The following SDCCAG8 variants were observed in gnomAD, a reference collection of about 807,000 sequenced individuals.
SDCCAG8 encodes the protein SHH signaling and ciliogenesis regulator SDCCAG8.
SDCCAG8 carries 74 observed loss-of-function variants against 101.8 expected under a neutral mutation model. That is an observed-to-expected ratio of 0.73 (90% confidence interval 0.60 to 0.88). The LOEUF (loss-of-function observed/expected upper bound fraction) is 0.88. Ranked by LOEUF, SDCCAG8 falls within the 40% of genes least tolerant of loss-of-function variation. SDCCAG8 has a pLI of 0.00. For missense variants in SDCCAG8, 787 were observed against 822.6 expected (o/e 0.96, Z 0.53); for synonymous variants, 281 against 292.9 (o/e 0.96, Z 0.41).
chr1:243,332,597 T>C (rs1474380674), intron 10 of SDCCAG8, among the ~76,000 whole-genome samples: 3 of 151,684 alleles, frequency 2.0e-5, no homozygotes, highest in Non-Finnish European at 2.9e-5. Flanking sequence ...TGCAGGTGAT[T>C]ATTGCGGTCT....
At chr1:243,365,528 A>G (rs1377922392) in intron 12 of SDCCAG8, among the ~76,000 whole-genome samples, 2 of 152,196 alleles carry the variant, frequency 1.3e-5, no homozygotes, top group African/African-American at 4.8e-5. Flanking sequence ...AGTTTCTGTA[A>G]GAGTACCATT....
Position 243,256,169 on chromosome 1 carries a change from C to T in SDCCAG8, c.-5C>T, listed in dbSNP as rs978491010. 6.2e-7 allele frequency: 1 copy of T among 1,613,462 alleles called. No homozygotes were observed. The highest frequency in any genetic ancestry group is 8.5e-7 in the Non-Finnish European group (1 of 1,179,354). On this transcript the variant is annotated 5_prime_UTR_variant, in exon 1 of 18. Coordinates refer to ENST00000366541, the MANE Select transcript of SDCCAG8 (RefSeq NM_006642.5). ...AACTCCCAGCTCTGGGCCTAGAGTG[C>T]GTGCATGGCGAAGTCCCCGGAGAAC...
At position 243,330,890 on chromosome 1, in the gene SDCCAG8, C is replaced by G. The variant is rs116231686; in HGVS notation, c.1221+198C>G. 2.5e-3 allele frequency among the ~76,000 whole-genome samples: 382 copies of G among 152,236 alleles called. 1 individual carries two copies. Among genetic ancestry groups the G allele is most frequent in the South Asian group, 8.5e-3 (41 of 4,826 alleles). ...ATATTTCTCAATAGTTTATGCTGAT[C>G]TTTTCAAATAAAATAATCAGTTAGA... is the stretch of plus-strand genomic sequence containing the variant. On this transcript the variant is annotated intron_variant, in intron 10 of 17. Coordinates refer to ENST00000366541, the MANE Select transcript of SDCCAG8 (RefSeq NM_006642.5).
chr1:243,496,198 T>G (rs1667809622), intron 17 of SDCCAG8, among the ~76,000 whole-genome samples: 1 of 152,140 alleles, frequency 6.6e-6, no homozygotes, highest in Non-Finnish European at 1.5e-5. Flanking sequence ...AATTGGGAAG[T>G]GGCTGGGCAG....
intron 6 of SDCCAG8, among the ~76,000 whole-genome samples, chr1:243,294,708 C>A (rs968748310): frequency 1.4e-5 from 2 of 138,458 alleles, no homozygotes; most frequent in African/African-American, 2.9e-5. Context: ...CCCCCCCCCC[C>A]CACAGCTGCC....
At chr1:243,444,626 G>A (rs1260975583) in intron 16 of SDCCAG8, among the ~76,000 whole-genome samples, 4 of 151,784 alleles carry the variant, frequency 2.6e-5, no homozygotes, top group African/African-American at 7.2e-5. Flanking sequence ...CAGGCAGTCC[G>A]CCTGCCTCAG....
intron 4 of SDCCAG8, among the ~76,000 whole-genome samples, chr1:243,281,565 G>A (rs1012533759): frequency 6.7e-5 from 10 of 149,674 alleles, no homozygotes; most frequent in African/African-American, 2.2e-4. Flanking sequence ...TTGGATCAAT[G>A]TATAACACAT....
intron 8 of SDCCAG8, among the ~76,000 whole-genome samples, chr1:243,312,379 C>A (rs1227878935): frequency 6.6e-6 from 1 of 152,154 alleles, no homozygotes; most frequent in Non-Finnish European, 1.5e-5. Flanking sequence ...CATCCTTTAG[C>A]ATTTACTATT....
In SDCCAG8 at chr1:243,271,014, A is replaced by G; in HGVS notation, c.257A>G (p.Asp86Gly). The change falls in exon 3 of 18, where the codon GAT becomes GGT. Residue 86 changes from aspartate (D) to glycine (G), a missense_variant. By Grantham distance (94) the Asp-to-Gly change is moderately conservative (BLOSUM62 -1). Transcript: ENST00000366541. Reference sequence around the variant, plus strand: ...AAAGATTTGTTGCGCCAACAAGCAGATAAGGAAAGTGAAGTATCTCCGTCA... The same window carrying G: ...AAAGATTTGTTGCGCCAACAAGCAGGTAAGGAAAGTGAAGTATCTCCGTCA... ...QLKDLLRQQADKESEVSPSRR... is the reference protein window; with the variant it reads ...QLKDLLRQQAGKESEVSPSRR... The G allele has an allele frequency of 2.5e-6, 4 of 1,613,720 alleles. No homozygotes were observed. Among genetic ancestry groups the G allele is most frequent in the South Asian group, 2.2e-5 (2 of 91,078 alleles).
In SDCCAG8 at chr1:243,458,918, A is replaced by T. The variant is rs1237768086; in HGVS notation, c.1986-30096A>T. Among the ~76,000 whole-genome samples, 1 of 152,240 alleles carries T rather than the reference A, an allele frequency of 6.6e-6. No homozygotes were observed. Among genetic ancestry groups the T allele is most frequent in the African/African-American group, 2.4e-5 (1 of 41,446 alleles). On this transcript the variant is annotated intron_variant, in intron 16 of 17. Transcript: ENST00000366541. The surrounding 1 kb of genome is among the most constrained non-coding windows in gnomAD (Gnocchi z 4.5). ...GATACGTGCCTTAAGCTATTGCATGAATATCTCTATGTGGGAAATTCTTGT... is the reference window on the plus strand; with the variant it reads ...GATACGTGCCTTAAGCTATTGCATGTATATCTCTATGTGGGAAATTCTTGT...
intron 4 of SDCCAG8, among the ~76,000 whole-genome samples, chr1:243,277,714 T>A (rs1339669143): frequency 6.6e-6 from 1 of 152,228 alleles, no homozygotes; most frequent in Non-Finnish European, 1.5e-5. Context: ...GTTTAAAAAT[T>A]TATTACCAAA....
At chr1:243,331,214 G>A (rs1162374003) in intron 10 of SDCCAG8, among the ~76,000 whole-genome samples, 2 of 152,194 alleles carry the variant, frequency 1.3e-5, no homozygotes, top group African/African-American at 2.4e-5. Flanking sequence ...AGAGATTTAA[G>A]GCAAAAGGAA....
chr1:243,366,744 CAATT>C (rs1448026468), intron 12 of SDCCAG8, among the ~76,000 whole-genome samples: 4 of 151,914 alleles, frequency 2.6e-5, no homozygotes, highest in Admixed American at 2.0e-4. Context: ...GATAGGGAAT[CAATT>C]AATATTTTAA....
chr1:243,265,471 T>G (rs1484763746), intron 1 of SDCCAG8, among the ~76,000 whole-genome samples: 1 of 152,232 alleles, frequency 6.6e-6, no homozygotes, highest in Non-Finnish European at 1.5e-5. Flanking sequence ...TTATAAATTC[T>G]AAAAGATTAA....
At chr1:243,280,329 T>C (rs1433332180) in intron 4 of SDCCAG8, among the ~76,000 whole-genome samples, 2 of 152,144 alleles carry the variant, frequency 1.3e-5, no homozygotes, top group African/African-American at 4.8e-5. Context: ...TATTTTCTCT[T>C]TTTTTCTTAA....
intron 6 of SDCCAG8, among the ~76,000 whole-genome samples, chr1:243,294,474 G>T (rs12354170): frequency 0.34 from 16,216 of 48,106 alleles, 1,226 homozygotes; most frequent in East Asian, 0.5. Flanking sequence ...CCCAAAAGGT[G>T]GGGGGGGGGA....
intron 6 of SDCCAG8, among the ~76,000 whole-genome samples, chr1:243,294,931 T>A (rs1023032943): frequency 2.0e-5 from 3 of 152,274 alleles, no homozygotes; most frequent in Admixed American, 6.5e-5. Context: ...GAAGATAGAA[T>A]GAATCATAGT....
intron 13 of SDCCAG8, among the ~76,000 whole-genome samples, chr1:243,404,739 C>T (rs1473029354): frequency 6.6e-6 from 1 of 152,130 alleles, no homozygotes; most frequent in Non-Finnish European, 1.5e-5. Context: ...CCATAGAATA[C>T]AGCCGTAATT....
chr1:243,341,001 A>G, intron 10 of SDCCAG8, 38 bp from the exon 11 acceptor site: 1 of 1,601,246 alleles, frequency 6.2e-7, no homozygotes, highest in Middle Eastern at 1.7e-4. Context: ...GATTTGTCAA[A>G]TGACATTATT....
Sources: allele counts gnomAD v4.1 joint callset (sites outside exome capture counted in the v4.1 genomes callset), GRCh38; gene constraint gnomAD v4.1.1; non-coding constraint Gnocchi (gnomAD v3.1); transcripts MANE v1.5; gene names NCBI Gene and HGNC (gene_info 2026-07-23, HGNC 2026-07-21).